The following WDR49 variants were observed in gnomAD, a reference collection of about 807,000 sequenced individuals.
The protein encoded by WDR49 is WD repeat domain 49, also known as cilia- and flagella-associated protein 337.
Under a neutral mutation model 119.5 loss-of-function variants are expected in WDR49, and 107 were observed. The observed-to-expected ratio is 0.90, with a 90% confidence interval of 0.77 to 1.05. WDR49 has a LOEUF of 1.05. WDR49 is among the 50% of genes least tolerant of loss of function. The pLI is 0.00. For missense variants in WDR49, 1,240 were observed against 1,220.5 expected (o/e 1.02, Z -0.24); for synonymous variants, 425 against 418.8 (o/e 1.01, Z -0.18).
At chr3:167,548,725 G>T (rs923854778) in intron 10 of WDR49, among the ~76,000 whole-genome samples, 1 of 151,904 alleles carries the variant, frequency 6.6e-6, no homozygotes, top group African/African-American at 2.4e-5. Flanking sequence ...TAAGTTCCAT[G>T]GTACATGTGC....
intron 10 of WDR49, 141 bp from the exon 11 acceptor site, chr3:167,537,141 T>C: frequency 1.4e-6 from 1 of 720,444 alleles, no homozygotes; most frequent in Non-Finnish European, 1.9e-6. Context: ...ACAACCATAA[T>C]ACTGAGTTTC....
chr3:167,589,576 A>G lies in WDR49; in HGVS notation c.1275+12551T>C, dbSNP rs191182510. On this transcript the variant is annotated intron_variant, in intron 7 of 18. Transcript: ENST00000682715. Reference sequence around the variant, plus strand: ...TATTCTTCCAGACCATGAACATGGAATATCTTTCCATTTTTGTAGCTTCTT... The same window carrying G: ...TATTCTTCCAGACCATGAACATGGAGTATCTTTCCATTTTTGTAGCTTCTT... Among the ~76,000 whole-genome samples, 354 of 152,266 alleles carry G rather than the reference A, an allele frequency of 2.3e-3. 1 individual carries two copies. Among genetic ancestry groups the G allele is most frequent in the African/African-American group, 7.9e-3 (329 of 41,586 alleles).
intron 2 of WDR49, among the ~76,000 whole-genome samples, chr3:167,630,893 C>T (rs759524980): frequency 1.3e-5 from 2 of 152,042 alleles, no homozygotes; most frequent in Non-Finnish European, 2.9e-5. Context: ...CAACTCGTGC[C>T]TGAATGAAGC....
rs1752483548 is a variant in WDR49 at position 167,522,399 on chromosome 3, G to GA, written c.2689dup (p.Ser897PhefsTer5). ...ACAAGATTCCTCCTTAGAAAATAAA[G>GA]AAATTTCCTTTTGAATCTCACTTTC... On this transcript the variant is annotated frameshift_variant, in exon 16 of 19. Coordinates refer to ENST00000682715, the MANE Select transcript of WDR49 (RefSeq NM_001366157.1). LOFTEE classifies it high-confidence loss of function. 1 of 1,610,224 alleles carries GA rather than the reference G, an allele frequency of 6.2e-7. No individual in the cohort carries two copies. The highest frequency in any genetic ancestry group is 1.3e-5 in the African/African-American group (1 of 74,654).
At chr3:167,550,132 C>T (rs1175174984) in intron 10 of WDR49, among the ~76,000 whole-genome samples, 1 of 152,136 alleles carries the variant, frequency 6.6e-6, no homozygotes, top group East Asian at 1.9e-4. Context: ...TAGTGTGATG[C>T]CTCCAGCTTT....
intron 18 of WDR49, among the ~76,000 whole-genome samples, chr3:167,490,557 G>T (rs1751096900): frequency 1.3e-5 from 2 of 151,932 alleles, no homozygotes; most frequent in Non-Finnish European, 2.9e-5. Flanking sequence ...TGATATCAAA[G>T]ATTATTTTTC....
chr3:167,531,359 C>T (rs1390621648), intron 12 of WDR49, 80 bp from the exon 13 acceptor site: 6 of 1,447,954 alleles, frequency 4.1e-6, no homozygotes, highest in Non-Finnish European at 5.7e-6. Flanking sequence ...ATAGCAGGCC[C>T]ACATCTATCA....
At position 167,576,122 on chromosome 3, in the gene WDR49, C is replaced by G. The variant is rs370141232; in HGVS notation, c.1305G>C (p.Gln435His). The change falls in exon 8 of 19, where the codon CAG (glutamine) becomes CAC (histidine). Residue 435 changes from glutamine to histidine, a missense_variant. Coordinates refer to ENST00000682715, the MANE Select transcript of WDR49 (RefSeq NM_001366157.1). ...AACAAGCTATCCTCTGGATGGACAGCTGGTGTTGAATATCCCAGAGTCTCA... is the reference window on the plus strand; with the variant it reads ...AACAAGCTATCCTCTGGATGGACAGGTGGTGTTGAATATCCCAGAGTCTCA... ...KVLRLWDIQHQLSIQRIACSF... is the reference protein window; with the variant it reads ...KVLRLWDIQHHLSIQRIACSF... 1.9e-6 allele frequency: 3 copies of G among 1,613,934 alleles called. No homozygotes were observed. The African/African-American group carries it at 4.0e-5, about 22-fold the overall frequency.
rs1752668683 is a variant in WDR49, at chr3:167,527,234, T to C, written c.2604+586A>G. Among the ~76,000 whole-genome samples the C allele has an allele frequency of 3.9e-5, 6 of 152,122 alleles. No homozygotes were observed. The South Asian group carries it at 1.2e-3, about 31-fold the overall frequency. On this transcript the variant is annotated intron_variant, in intron 15 of 18. Transcript: ENST00000682715. ...CAAACTCTCTGTGCCTCTGTTTCCT[T>C]ATCTGTAAAATGGGAATTGTGAGAG...
chr3:167,508,030 A>G (rs1751839623), intron 16 of WDR49, among the ~76,000 whole-genome samples: 3 of 152,226 alleles, frequency 2.0e-5, no homozygotes, highest in Non-Finnish European at 4.4e-5. Flanking sequence ...AAGGCGATCT[A>G]CTATGGGATC....
chr3:167,617,378 T>A (rs1716647920), intron 5 of WDR49, among the ~76,000 whole-genome samples: 1 of 151,920 alleles, frequency 6.6e-6, no homozygotes, highest in South Asian at 2.1e-4. Context: ...AATACAAAAA[T>A]TAGCCGGGCA....
intron 7 of WDR49, among the ~76,000 whole-genome samples, chr3:167,578,330 G>A (rs955276603): frequency 6.6e-6 from 1 of 152,048 alleles, no homozygotes; most frequent in Non-Finnish European, 1.5e-5. Flanking sequence ...TTTATCTCAA[G>A]CCATATATTC....
chr3:167,602,913 G>T (rs967149470), intron 6 of WDR49, among the ~76,000 whole-genome samples: 6 of 152,022 alleles, frequency 3.9e-5, no homozygotes, highest in Non-Finnish European at 8.8e-5. Context: ...TGCTATAGAA[G>T]TTTGTAGCCT....
At chr3:167,607,333 C>T (rs1274563644) in intron 5 of WDR49, among the ~76,000 whole-genome samples, 8 of 152,118 alleles carry the variant, frequency 5.3e-5, no homozygotes, top group Admixed American at 1.3e-4. Flanking sequence ...AGGCTGCTTC[C>T]GAGGTTTTCA....
chr3:167,654,936 G>T (rs1480460195), upstream of WDR49, among the ~76,000 whole-genome samples: 1 of 151,284 alleles, frequency 6.6e-6, no homozygotes, highest in Non-Finnish European at 1.5e-5. Context: ...AAATGCCAAA[G>T]GTCACACAAA....
At chr3:167,621,362 T>C (rs1716860078) in intron 4 of WDR49, 105 bp downstream of exon 4, 11 of 1,161,272 alleles carry the variant, frequency 9.5e-6, no homozygotes, top group Non-Finnish European at 1.3e-5. Flanking sequence ...TAATCCATAA[T>C]GTAATTAAAT....
chr3:167,599,025 G>C (rs1715633301), intron 7 of WDR49, among the ~76,000 whole-genome samples: 1 of 152,116 alleles, frequency 6.6e-6, no homozygotes, highest in Non-Finnish European at 1.5e-5. Flanking sequence ...GACTGTGCTG[G>C]GTCAGATATG....
In WDR49 at chr3:167,575,877, G is replaced by C. The variant is rs376982402; in HGVS notation, c.1509+41C>G. On this transcript the variant is annotated intron_variant, in intron 8 of 18. Coordinates refer to ENST00000682715, the MANE Select transcript of WDR49 (RefSeq NM_001366157.1). ...TTAAGTAAATGAGCCTCTGGACTTG[G>C]AGATATGTTAGGAGAGTGAAAGAAA... 22 of 1,588,946 alleles carry C rather than the reference G, an allele frequency of 1.4e-5. No homozygotes were observed. The African/African-American group carries it at 2.8e-4, about 20-fold the overall frequency.
intron 5 of WDR49, among the ~76,000 whole-genome samples, chr3:167,606,012 T>C (rs1375969734): frequency 2.6e-5 from 4 of 152,140 alleles, no homozygotes; most frequent in Non-Finnish European, 5.9e-5. Flanking sequence ...GCTTCTCAAG[T>C]TTTAACATTC....
Sources: gnomAD v4.1 joint callset for allele counts (sites outside exome capture counted in the v4.1 genomes callset) on GRCh38, gnomAD v4.1.1 for gene constraint, MANE v1.5 for transcripts, NCBI Gene and HGNC (gene_info 2026-07-23, HGNC 2026-07-21) for gene names.